The following PLEKHG1 variants were observed in gnomAD, a reference collection of about 807,000 sequenced individuals.
The protein encoded by PLEKHG1 is pleckstrin homology and RhoGEF domain containing G1, also known as pleckstrin homology domain-containing family G member 1.
In PLEKHG1, 44 loss-of-function variants were observed where a neutral mutation model predicts 100.8. The ratio of observed to expected loss-of-function variants is 0.44; its 90% CI spans 0.34 to 0.56. The LOEUF (loss-of-function observed/expected upper bound fraction) is 0.56. Among genes scored for constraint, PLEKHG1 ranks in the 20% least tolerant of loss-of-function variants. The pLI is 0.01. For missense variants in PLEKHG1, 1,545 were observed against 1,720.9 expected, an observed-to-expected ratio of 0.90 and a Z score of 1.81; for synonymous variants, 640 against 662.5, an observed-to-expected ratio of 0.97 and a Z score of 0.52.
chr6:150,836,147 C>T (rs923165525), intron 15 of PLEKHG1, among the ~76,000 whole-genome samples: 5 of 152,078 alleles, frequency 3.3e-5, no homozygotes, highest in African/African-American at 4.8e-5. Context: ...GAGGCTGAGG[C>T]GGGCAGATCA....
chr6:150,787,722 A>G (rs911592764), intron 4 of PLEKHG1, among the ~76,000 whole-genome samples: 1 of 152,178 alleles, frequency 6.6e-6, no homozygotes, highest in Non-Finnish European at 1.5e-5. Context: ...TCCAAACACA[A>G]CACCCTGGGT....
rs71554473 is a variant in PLEKHG1 at position 150,641,876 on chromosome 6, C to CAAAAAAAAA, written c.-158+3766_-158+3774dup. Among the ~76,000 whole-genome samples, 217 of 76,778 alleles carry CAAAAAAAAA rather than the reference C, an allele frequency of 2.8e-3. 1 individual carries two copies. The highest frequency in any genetic ancestry group is 7.8e-3 in the Admixed American group (36 of 4,642). 50.4% of individuals were successfully genotyped at this position (76,778 alleles called of 152,430 possible). A position where few individuals can be genotyped will look rare whatever the true frequency, so the allele number is the denominator to read the frequency against. Reference sequence around the variant, plus strand: ...GTTTTACTTGACTGATGTGAAAAGGCAAAAAAAAAAAAAAAAAAAAAAAGC... The same window carrying CAAAAAAAAA: ...GTTTTACTTGACTGATGTGAAAAGGCAAAAAAAAAAAAAAAAAAAAAAAAAAAAAAAAGC... On this transcript the variant is annotated intron_variant, in intron 2 of 3. Coordinates refer to the PLEKHG1 transcript ENST00000367326.
chr6:150,678,007 AT>A (rs768524566), intron 3 of PLEKHG1, among the ~76,000 whole-genome samples: 10 of 142,866 alleles, frequency 7.0e-5, no homozygotes, highest in Non-Finnish European at 1.5e-4. Flanking sequence ...TTTTAGTGTT[AT>A]TTTTAATTGA....
chr6:150,818,594 G>A (rs147028043), intron 11 of PLEKHG1, among the ~76,000 whole-genome samples: 4 of 152,112 alleles, frequency 2.6e-5, no homozygotes, highest in African/African-American at 7.2e-5. Context: ...TGCAAGAATC[G>A]CAATCACTTC....
chr6:150,803,108 C>T (rs960387296), intron 6 of PLEKHG1, among the ~76,000 whole-genome samples: 2 of 152,138 alleles, frequency 1.3e-5, no homozygotes, highest in African/African-American at 4.8e-5. Context: ...CATCTAGGAT[C>T]TTGTTAACAG....
chr6:150,734,197 A>G (rs1782447025), intron 2 of PLEKHG1, 105 bp downstream of exon 3: 1 of 1,109,582 alleles, frequency 9.0e-7, no homozygotes, highest in African/African-American at 1.6e-5. Flanking sequence ...AAGAGGCGGA[A>G]GGGATGTGAA....
chr6:150,841,220 A>G (rs1242538418), exon 16 of PLEKHG1: 2 of 395,532 alleles, frequency 5.1e-6, no homozygotes, highest in Middle Eastern at 7.7e-4. Context: ...AAGAAATGCA[A>G]TAATCCTTTC....
intron 3 of PLEKHG1, among the ~76,000 whole-genome samples, chr6:150,693,866 T>C (rs12525500): frequency 1.7e-4 from 26 of 152,330 alleles, no homozygotes; most frequent in Non-Finnish European, 2.4e-4. Flanking sequence ...CATGACTACC[T>C]CGAGAGGCAG....
At chr6:150,837,526 T>A (rs1170351013) in intron 15 of PLEKHG1, among the ~76,000 whole-genome samples, 1 of 152,238 alleles carries the variant, frequency 6.6e-6, no homozygotes, top group Non-Finnish European at 1.5e-5. Flanking sequence ...ACTGGAATAG[T>A]TTGTTTGAAT....
chr6:150,753,053 C>T (rs974915646), intron 2 of PLEKHG1, among the ~76,000 whole-genome samples: 2 of 152,130 alleles, frequency 1.3e-5, no homozygotes, highest in African/African-American at 4.8e-5. Flanking sequence ...GTGGAGGCTG[C>T]AGTGAGCTGT....
At chr6:150,688,766 T>C (rs576690043) in intron 3 of PLEKHG1, among the ~76,000 whole-genome samples, 6 of 152,356 alleles carry the variant, frequency 3.9e-5, no homozygotes, top group African/African-American at 1.4e-4. Flanking sequence ...TAAGAGATTT[T>C]TTAAAAAACA....
At chr6:150,743,080 C>A (rs1314513426) in intron 2 of PLEKHG1, among the ~76,000 whole-genome samples, 1 of 152,192 alleles carries the variant, frequency 6.6e-6, no homozygotes, top group Non-Finnish European at 1.5e-5. Flanking sequence ...ATGGGAGGTG[C>A]AGTCTAGCCG....
At chr6:150,634,238 C>G (rs534960414) in intron 1 of PLEKHG1, among the ~76,000 whole-genome samples, 7 of 134,560 alleles carry the variant, frequency 5.2e-5, no homozygotes, top group Admixed American at 4.5e-4. Flanking sequence ...GAGCAAAACT[C>G]GATCTCCCCC....
chr6:150,827,713 G>A lies in PLEKHG1; in HGVS notation c.1471-2869G>A, dbSNP rs1776692112. The stretch of plus-strand genomic sequence containing the variant: ...AGTGGAATGACATCTTACGCAAAAA[G>A]GGTTTCTTACCCGCCAAGGAAAGAA... On this transcript the variant is annotated intron_variant, in intron 14 of 15. Transcript: ENST00000358517. 19 of 1,206,698 alleles carry A rather than the reference G, an allele frequency of 1.6e-5. No homozygotes were observed. The South Asian group carries it at 2.1e-4, about 13-fold the overall frequency. 74.7% of individuals were successfully genotyped at this position (1,206,698 alleles called of 1,614,324 possible).
At chr6:150,733,769 A>G in exon 2 of PLEKHG1, 2 of 1,614,190 alleles carry the variant, frequency 1.2e-6, no homozygotes, top group South Asian at 1.1e-5. Context: ...TTCCTTCGGC[A>G]GCAGAATGAC....
intron 3 of PLEKHG1, among the ~76,000 whole-genome samples, chr6:150,698,808 C>G (rs994905163): frequency 6.6e-6 from 1 of 152,140 alleles, no homozygotes; most frequent in Non-Finnish European, 1.5e-5. Flanking sequence ...AGTGTCTTCA[C>G]TAATAAGCAT....
chr6:150,786,859 G>A (rs1368209564), intron 4 of PLEKHG1, among the ~76,000 whole-genome samples: 6 of 151,612 alleles, frequency 4.0e-5, no homozygotes, highest in African/African-American at 1.2e-4. Context: ...GTGAAACCCC[G>A]TCTCTACTAA....
chr6:150,657,061 A>G (rs1412017675), intron 3 of PLEKHG1, among the ~76,000 whole-genome samples: 1 of 152,194 alleles, frequency 6.6e-6, no homozygotes. Context: ...AATGACTTTC[A>G]GTCATCTCAA....
intron 1 of PLEKHG1, among the ~76,000 whole-genome samples, chr6:150,635,625 C>G (rs1413499622): frequency 1.3e-5 from 2 of 152,154 alleles, no homozygotes. Context: ...ACATGCATTT[C>G]CAGTGAGCTG....
Sources: gnomAD v4.1 joint callset for allele counts (sites outside exome capture counted in the v4.1 genomes callset) on GRCh38, gnomAD v4.1.1 for gene constraint, MANE v1.5 for transcripts, NCBI Gene and HGNC (gene_info 2026-07-23, HGNC 2026-07-21) for gene names.